NDUFA5: variants seen among roughly 807,000 people sequenced by gnomAD.
NDUFA5 encodes NADH:ubiquinone oxidoreductase subunit A5.
Under a neutral mutation model 19.8 loss-of-function variants are expected in NDUFA5, and 11 were observed. The ratio of observed to expected loss-of-function variants is 0.56; its 90% CI spans 0.35 to 0.92. The LOEUF is 0.92. NDUFA5 is among the 40% of genes least tolerant of loss of function. The pLI, the probability that NDUFA5 is intolerant of heterozygous loss-of-function variation, is 0.01. For missense variants in NDUFA5, 109 were observed against 134.2 expected, an observed-to-expected ratio of 0.81 and a Z score of 0.93; for synonymous variants, 47 against 46.8, an observed-to-expected ratio of 1.00 and a Z score of -0.01.
rs766305834 is a variant in NDUFA5 at position 123,540,890 on chromosome 7, G to GCGCGCGCACACACACACACACACACA, written c.*1228_*1229insTGTGTGTGTGTGTGTGTGTGCGCGCG. ...TCTGAGCAAATGTGCGCATGCGCGT[G>GCGCGCGCACACACACACACACACACA]CACACACACACACACACACACACAC... On this transcript the variant is annotated 3_prime_UTR_variant, in exon 5 of 5. Coordinates refer to ENST00000355749, the MANE Select transcript of NDUFA5 (RefSeq NM_005000.5). 7 of 133,830 alleles carry GCGCGCGCACACACACACACACACACA rather than the reference G, an allele frequency of 5.2e-5. No individual in the cohort carries two copies. The highest frequency in any genetic ancestry group is 4.4e-4 in the East Asian group (2 of 4,536). The allele number at this position is 133,830 out of a possible 1,614,324, so 8.3% of individuals were successfully genotyped here. A position where few individuals can be genotyped will look rare whatever the true frequency, so the allele number is the denominator to read the frequency against.
chr7:123,552,502 G>A (rs1359887073), intron 2 of NDUFA5, among the ~76,000 whole-genome samples: 1 of 151,962 alleles, frequency 6.6e-6, no homozygotes, highest in African/African-American at 2.4e-5. Flanking sequence ...GGGGGGCCAG[G>A]GGAGGGATAG....
chr7:123,578,480 C>G, the NDUFA5 span, among the ~76,000 whole-genome samples: 1 of 151,996 alleles, frequency 6.6e-6, no homozygotes, highest in Non-Finnish European at 1.5e-5. Flanking sequence ...TTTGTTTCCT[C>G]TATACTTTTA....
intron 4 of NDUFA5, among the ~76,000 whole-genome samples, chr7:123,542,875 A>G (rs1797991232): frequency 6.6e-6 from 1 of 152,184 alleles, no homozygotes; most frequent in Admixed American, 6.5e-5. Flanking sequence ...TATATTTAAC[A>G]CACACATTTT....
chr7:123,557,792 C>G lies in NDUFA5; in HGVS notation c.4G>C (p.Ala2Pro), dbSNP rs1390119039. 6.2e-7 allele frequency: 1 copy of G among 1,614,110 alleles called. No homozygotes were observed. Among genetic ancestry groups the G allele is most frequent in the Admixed American group, 1.7e-5 (1 of 60,018 alleles). The change falls in exon 1 of 5, where the codon GCG becomes CCG. Residue 2 changes from alanine to proline, a missense_variant. Physicochemically the swap from Ala to Pro is conservative, Grantham distance 27. Coordinates refer to ENST00000355749, the MANE Select transcript of NDUFA5 (RefSeq NM_005000.5). ...CGTCTCACCTTCTTCAGCACACCCGCCATGACAGCGCCAACGACTCGGTGA... is the reference window on the plus strand; with the variant it reads ...CGTCTCACCTTCTTCAGCACACCCGGCATGACAGCGCCAACGACTCGGTGA... MAGVLKKTTGLV... is the reference protein window; with the variant it reads MPGVLKKTTGLV...
chr7:123,569,250 G>A, the NDUFA5 span, among the ~76,000 whole-genome samples: 1 of 152,084 alleles, frequency 6.6e-6, no homozygotes, highest in Non-Finnish European at 1.5e-5. Context: ...AACATTGAGG[G>A]AATAAAAAGC....
chr7:123,545,945 T>G (rs1798117686), intron 3 of NDUFA5: 1 of 287,332 alleles, frequency 3.5e-6, no homozygotes, highest in African/African-American at 2.2e-5. Flanking sequence ...AAAACAGATT[T>G]TAAAATATGA....
the NDUFA5 span, among the ~76,000 whole-genome samples, chr7:123,568,200 A>G: frequency 6.6e-6 from 1 of 152,176 alleles, no homozygotes; most frequent in Non-Finnish European, 1.5e-5. Context: ...ATTGAGGTTA[A>G]ACATAGTTGT....
intron 4 of NDUFA5, 92 bp downstream of exon 4, chr7:123,545,519 T>C (rs1247061348): frequency 1.1e-5 from 11 of 999,760 alleles, no homozygotes; most frequent in East Asian, 2.4e-5. Context: ...CGAGTTGATA[T>C]AAACAAGGAA....
intron 2 of NDUFA5, among the ~76,000 whole-genome samples, chr7:123,552,860 C>T (rs1033665809): frequency 6.6e-6 from 1 of 152,134 alleles, no homozygotes; most frequent in Non-Finnish European, 1.5e-5. Flanking sequence ...ACAAAGCTCT[C>T]TTCAGCCCAC....
chr7:123,566,678 G>GTA, the NDUFA5 span, among the ~76,000 whole-genome samples: 1 of 152,020 alleles, frequency 6.6e-6, no homozygotes, highest in Non-Finnish European at 1.5e-5. Flanking sequence ...ACATGTGCAT[G>GTA]TATATATATA....
the NDUFA5 span, among the ~76,000 whole-genome samples, chr7:123,567,937 T>C: frequency 2.6e-5 from 4 of 152,190 alleles, no homozygotes; most frequent in African/African-American, 9.6e-5. Flanking sequence ...ATGTTCAAAA[T>C]GATTTGGATT....
the NDUFA5 span, among the ~76,000 whole-genome samples, chr7:123,574,049 G>C: frequency 6.6e-6 from 1 of 152,086 alleles, no homozygotes; most frequent in African/African-American, 2.4e-5. Context: ...CTATGCTTCT[G>C]TTAAAAGTGA....
intron 4 of NDUFA5, among the ~76,000 whole-genome samples, chr7:123,544,316 T>C (rs1039223638): frequency 3.3e-5 from 5 of 151,902 alleles, no homozygotes; most frequent in African/African-American, 1.2e-4. Flanking sequence ...CTGACCAAAA[T>C]GGAGAAACCC....
At chr7:123,600,099 A>G in the NDUFA5 span, among the ~76,000 whole-genome samples, 2 of 152,206 alleles carry the variant, frequency 1.3e-5, no homozygotes, top group African/African-American at 4.8e-5. Context: ...AATAGGCCTC[A>G]TTAAAATGGT....
upstream of NDUFA5, among the ~76,000 whole-genome samples, chr7:123,559,857 C>CAAAAAA (rs201033454): frequency 2.1e-5 from 1 of 46,518 alleles, no homozygotes; most frequent in African/African-American, 6.7e-5. Flanking sequence ...TTCCGTCTCA[C>CAAAAAA]AAAAAAAAAA....
chr7:123,550,339 G>C lies in NDUFA5; in HGVS notation c.183+131C>G. Reference sequence around the variant, plus strand: ...AAACAAGAGTTTGCTGAATAAAAGGGAGGAATGATGGGAAAAGAGCATTCA... The same window carrying C: ...AAACAAGAGTTTGCTGAATAAAAGGCAGGAATGATGGGAAAAGAGCATTCA... On this transcript the variant is annotated intron_variant, in intron 3 of 4. Transcript: ENST00000355749. 3.1e-5 allele frequency: 20 copies of C among 649,776 alleles called. No homozygotes were observed. The South Asian group carries it at 3.2e-4, about 10-fold the overall frequency. 40.3% of individuals were successfully genotyped at this position (649,776 alleles called of 1,614,324 possible).
chr7:123,601,548 C>A, the NDUFA5 span, among the ~76,000 whole-genome samples: 1 of 152,110 alleles, frequency 6.6e-6, no homozygotes, highest in African/African-American at 2.4e-5. Context: ...TGAACAAATA[C>A]CTTTAAATTG....
chr7:123,569,191 G>C, the NDUFA5 span, among the ~76,000 whole-genome samples: 122 of 152,222 alleles, frequency 8.0e-4, 1 homozygote, highest in Non-Finnish European at 1.3e-3. Context: ...ATTTTGTCCG[G>C]TGGTCATGCT....
chr7:123,575,268 G>T, the NDUFA5 span, among the ~76,000 whole-genome samples: 9 of 151,862 alleles, frequency 5.9e-5, no homozygotes, highest in Admixed American at 2.0e-4. Context: ...AAACTATCAC[G>T]TTCCTTCTTT....
Sources: allele counts gnomAD v4.1 joint callset (sites outside exome capture counted in the v4.1 genomes callset), GRCh38; gene constraint gnomAD v4.1.1; transcripts MANE v1.5; gene names NCBI Gene and HGNC (gene_info 2026-07-23, HGNC 2026-07-21).